The following KHDRBS2 variants were observed in gnomAD, a reference collection of about 807,000 sequenced individuals.
KHDRBS2 encodes the protein KH RNA binding domain containing, signal transduction associated 2, also known as KH domain-containing, RNA-binding, signal transduction-associated protein 2.
KHDRBS2 carries 26 observed loss-of-function variants against 44.3 expected under a neutral mutation model. That is an observed-to-expected ratio of 0.59 (90% confidence interval 0.43 to 0.81). KHDRBS2 has a LOEUF of 0.81. KHDRBS2 is among the 40% of genes least tolerant of loss of function. The pLI, the probability that KHDRBS2 is intolerant of heterozygous loss-of-function variation, is 0.00. For missense variants in KHDRBS2, 476 were observed against 433.1 expected, an observed-to-expected ratio of 1.10 and a Z score of -0.88; for synonymous variants, 194 against 151.1, an observed-to-expected ratio of 1.28 and a Z score of -2.08.
the KHDRBS2 span, among the ~76,000 whole-genome samples, chr6:61,631,712 A>T: frequency 6.6e-6 from 1 of 152,154 alleles, no homozygotes; most frequent in South Asian, 2.1e-4. Context: ...GGGATTGGAA[A>T]TGGAGACGTA....
chr6:61,771,832 C>T (rs150225245), intron 6 of KHDRBS2, among the ~76,000 whole-genome samples: 1,893 of 152,202 alleles, frequency 0.012, 47 homozygotes, highest in African/African-American at 0.043. Context: ...CTGCACCGAG[C>T]GGACCTAATA....
In KHDRBS2 at chr6:61,887,927, T is replaced by A. The variant is rs528208638; in HGVS notation, c.810+6708A>T. ...ATTTCAAAGATTGCAGCCAGCAGCC[T>A]ATCAGTCACGTATTAAACCTTACTC... On this transcript the variant is annotated intron_variant, in intron 6 of 8. Coordinates refer to ENST00000281156, the MANE Select transcript of KHDRBS2 (RefSeq NM_152688.4). 1.3e-3 allele frequency among the ~76,000 whole-genome samples: 197 copies of A among 152,304 alleles called. 1 individual carries two copies. The highest frequency in any genetic ancestry group is 4.3e-3 in the African/African-American group (180 of 41,566).
chr6:61,558,422 C>T, the KHDRBS2 span, among the ~76,000 whole-genome samples: 1 of 151,922 alleles, frequency 6.6e-6, no homozygotes, highest in Non-Finnish European at 1.5e-5. Flanking sequence ...TTTAGCTGTA[C>T]ATGGTGGTGC....
At chr6:61,608,826 T>C in the KHDRBS2 span, among the ~76,000 whole-genome samples, 1 of 152,220 alleles carries the variant, frequency 6.6e-6, no homozygotes, top group South Asian at 2.1e-4. Context: ...ATTTTCTTTA[T>C]GTAGTGTATT....
At chr6:61,881,772 G>T (rs549114679) in intron 6 of KHDRBS2, among the ~76,000 whole-genome samples, 2 of 152,158 alleles carry the variant, frequency 1.3e-5, no homozygotes, top group Admixed American at 6.5e-5. Flanking sequence ...TTAATAGTCA[G>T]TATGGCTAAG....
the KHDRBS2 span, among the ~76,000 whole-genome samples, chr6:61,642,459 A>G: frequency 6.6e-6 from 1 of 150,842 alleles, no homozygotes; most frequent in Non-Finnish European, 1.5e-5. Context: ...AGTTCAAGAC[A>G]AGCCTGGGCA....
At chr6:61,897,683 C>G (rs576461588) in intron 5 of KHDRBS2, among the ~76,000 whole-genome samples, 2 of 151,658 alleles carry the variant, frequency 1.3e-5, no homozygotes, top group Admixed American at 1.3e-4. Context: ...CATTGGCTCC[C>G]CTGCCATAAG....
intron 6 of KHDRBS2, 36 bp downstream of exon 6, chr6:61,894,599 A>T (rs1162739917): frequency 6.5e-7 from 1 of 1,537,776 alleles, no homozygotes; most frequent in East Asian, 2.2e-5. Context: ...AATCAATTTA[A>T]CTCATCCTTA....
intron 6 of KHDRBS2, among the ~76,000 whole-genome samples, chr6:61,777,518 C>A (rs756191471): frequency 1.3e-5 from 2 of 151,858 alleles, no homozygotes; most frequent in East Asian, 1.9e-4. Flanking sequence ...CAGAGAATGC[C>A]AAAACTTCTG....
chr6:61,844,818 TATC>T (rs1794138999), intron 6 of KHDRBS2, among the ~76,000 whole-genome samples: 1 of 152,238 alleles, frequency 6.6e-6, no homozygotes, highest in Admixed American at 6.5e-5. Context: ...GTTATTTGAC[TATC>T]TTTATTTATT....
intron 3 of KHDRBS2, among the ~76,000 whole-genome samples, chr6:62,023,921 C>G (rs1368751061): frequency 2.0e-5 from 3 of 150,950 alleles, no homozygotes; most frequent in African/African-American, 7.3e-5. Context: ...TTATTTAAAA[C>G]TATACCATTT....
intron 2 of KHDRBS2, among the ~76,000 whole-genome samples, chr6:62,074,229 G>A (rs182541586): frequency 3.3e-5 from 5 of 151,932 alleles, no homozygotes; most frequent in Admixed American, 3.3e-4. Context: ...GTTAAGCCAT[G>A]CCTGGACTTC....
chr6:62,124,401 C>T (rs1010777575), intron 2 of KHDRBS2, among the ~76,000 whole-genome samples: 9 of 152,168 alleles, frequency 5.9e-5, no homozygotes, highest in African/African-American at 2.2e-4. Context: ...GAGCTCCCAT[C>T]AACAGACACC....
At chr6:61,554,203 T>C in the KHDRBS2 span, among the ~76,000 whole-genome samples, 1 of 152,220 alleles carries the variant, frequency 6.6e-6, no homozygotes, top group Non-Finnish European at 1.5e-5. Context: ...ACATATAATT[T>C]AGGATAGTTA....
chr6:61,634,706 G>GA, the KHDRBS2 span, among the ~76,000 whole-genome samples: 3 of 151,964 alleles, frequency 2.0e-5, no homozygotes, highest in Non-Finnish European at 1.5e-5. Context: ...AAGGTCTCAA[G>GA]AAAAAATGGG....
intron 3 of KHDRBS2, among the ~76,000 whole-genome samples, chr6:62,040,412 A>T (rs1434889617): frequency 1.3e-5 from 2 of 152,050 alleles, no homozygotes; most frequent in Non-Finnish European, 2.9e-5. Flanking sequence ...TAGTGGTCTA[A>T]AATAATGATT....
At chr6:62,107,630 C>T (rs373528739) in intron 2 of KHDRBS2, among the ~76,000 whole-genome samples, 24 of 152,058 alleles carry the variant, frequency 1.6e-4, no homozygotes, top group African/African-American at 3.4e-4. Context: ...GAGCCCGCAT[C>T]GCCAAGTCAA....
At chr6:61,761,121 T>C (rs1167827757) in intron 6 of KHDRBS2, among the ~76,000 whole-genome samples, 1 of 152,178 alleles carries the variant, frequency 6.6e-6, no homozygotes, top group East Asian at 1.9e-4. Context: ...TCTGTTGTCT[T>C]TTAGGTAAGG....
At chr6:62,074,847 C>T (rs1234802265) in intron 2 of KHDRBS2, among the ~76,000 whole-genome samples, 3 of 151,798 alleles carry the variant, frequency 2.0e-5, no homozygotes, top group Non-Finnish European at 4.4e-5. Flanking sequence ...GAACTACATC[C>T]TAGAAAATTT....
Sources: allele counts gnomAD v4.1 joint callset (sites outside exome capture counted in the v4.1 genomes callset), GRCh38; gene constraint gnomAD v4.1.1; transcripts MANE v1.5; gene names NCBI Gene and HGNC (gene_info 2026-07-23, HGNC 2026-07-21).